Variants in KMT2A observed in about 807,000 individuals in gnomAD.
KMT2A encodes the protein histone-lysine N-methyltransferase 2A.
In KMT2A, 16 loss-of-function variants were observed where a neutral mutation model predicts 345.3. That is an observed-to-expected ratio of 0.05 (90% CI 0.03 to 0.07). The LOEUF (loss-of-function observed/expected upper bound fraction) is 0.07. KMT2A is among the 10% of genes least tolerant of loss of function. KMT2A has a pLI of 1.00. For missense variants in KMT2A, 3,272 were observed against 4,841.6 expected, an observed-to-expected ratio of 0.68 and a Z score of 9.62; for synonymous variants, 1,599 against 1,778.6, an observed-to-expected ratio of 0.90 and a Z score of 2.54.
intron 1 of KMT2A, among the ~76,000 whole-genome samples, chr11:118,466,909 G>A (rs1189113290): frequency 6.6e-6 from 1 of 152,052 alleles, no homozygotes; most frequent in Non-Finnish European, 1.5e-5. Context: ...AAGTACTCCA[G>A]TAAGCCAGGC....
At chr11:118,468,663 A>G in intron 1 of KMT2A, 112 bp from the exon 2 acceptor site, 1 of 756,028 alleles carries the variant, frequency 1.3e-6, no homozygotes, top group Non-Finnish European at 2.4e-6. Flanking sequence ...GATAATTAAT[A>G]TATAAAGGCA....
Position 118,520,081 on chromosome 11 carries a change from G to C in KMT2A, c.11429+17G>C, listed in dbSNP as rs781939042. On this transcript the variant is annotated intron_variant, in intron 33 of 35. Coordinates refer to ENST00000534358, the MANE Select transcript of KMT2A (RefSeq NM_001197104.2). The surrounding 1 kb of genome is among the most constrained non-coding windows in gnomAD (Gnocchi z 4.3). ...GTCAGCTCGGTAAGTCTTGAGTGGG[G>C]AGCAGTCATTAGAAACTGCTTTCCC... 5.2e-6 allele frequency: 8 copies of C among 1,553,372 alleles called. No individual in the cohort carries two copies. The highest frequency in any genetic ancestry group is 6.2e-6 in the Non-Finnish European group (7 of 1,126,138).
At chr11:118,509,223 A>C in intron 29 of KMT2A, 23 bp downstream of exon 29, 1 of 1,565,186 alleles carries the variant, frequency 6.4e-7, no homozygotes, top group African/African-American at 1.4e-5. Flanking sequence ...GTAAAAGGTT[A>C]GAATCAGAGA....
chr11:118,497,819 C>T lies in KMT2A; in HGVS notation c.5665-117C>T, dbSNP rs528619665. 23 of 716,302 alleles carry T rather than the reference C, an allele frequency of 3.2e-5. No homozygotes were observed. The South Asian group carries it at 4.3e-4, about 13-fold the overall frequency. 44.4% of individuals were successfully genotyped at this position (716,302 alleles called of 1,614,324 possible). On this transcript the variant is annotated intron_variant, in intron 20 of 35. Coordinates refer to ENST00000534358, the MANE Select transcript of KMT2A (RefSeq NM_001197104.2). The surrounding 1 kb of genome is among the most constrained non-coding windows in gnomAD (Gnocchi z 4.8). ...AATTCTGATTTCTGTGTGCCTCCCT[C>T]CATTAAAGAATTATAGTTGCTTTCT...
At chr11:118,483,232 CAAAAA>C (rs35780241) in intron 8 of KMT2A, among the ~76,000 whole-genome samples, 1 of 115,870 alleles carries the variant, frequency 8.6e-6, no homozygotes. Flanking sequence ...GACTCCATCC[CAAAAA>C]AAAAAAAAAA....
intron 30 of KMT2A, 61 bp from the exon 31 acceptor site, chr11:118,511,890 G>A (rs192329155): frequency 1.0e-5 from 13 of 1,250,322 alleles, no homozygotes; most frequent in Non-Finnish European, 1.5e-5. Context: ...CACATCATTG[G>A]TATTAAGAAG....
chr11:118,497,832 A>T lies in KMT2A; in HGVS notation c.5665-104A>T. On this transcript the variant is annotated intron_variant, in intron 20 of 35. Transcript: ENST00000534358. The surrounding 1 kb of genome is among the most constrained non-coding windows in gnomAD (Gnocchi z 4.8). ...GTGTGCCTCCCTCCATTAAAGAATT[A>T]TAGTTGCTTTCTTGAGGTTATCTTC... is the stretch of plus-strand genomic sequence containing the variant. The T allele has an allele frequency of 1.2e-6, 1 of 828,312 alleles. No individual in the cohort carries two copies. Among genetic ancestry groups the T allele is most frequent in the Non-Finnish European group, 1.9e-6 (1 of 516,678 alleles). The allele number at this position is 828,312 out of a possible 1,614,324, so 51.3% of individuals were successfully genotyped here.
At position 118,503,677 on chromosome 11, in the gene KMT2A, A is replaced by G. The variant is rs1950537594; in HGVS notation, c.7785A>G (p.Pro2595=). ...AAAGTAACAACTATCAGAATCTTCC[A>G]GTACAGGACAGAAACCTAATGCTTC... The part of the protein sequence containing the change: ...DSQSNNYQNL[P]VQDRNLMLPD... Residue 2595 remains proline, a synonymous_variant, in exon 27 of 36, where the codon CCA becomes CCG. Transcript: ENST00000534358. The surrounding 1 kb of genome is among the most constrained non-coding windows in gnomAD (Gnocchi z 5.3). 1.2e-6 allele frequency: 2 copies of G among 1,614,216 alleles called. No homozygotes were observed. The highest frequency in any genetic ancestry group is 1.7e-6 in the Non-Finnish European group (2 of 1,180,030).
Position 118,473,380 on chromosome 11 carries a change from T to A in KMT2A, c.2221T>A (p.Phe741Ile), listed in dbSNP as rs1248979864. The change falls in exon 3 of 36, where the codon TTT becomes ATT. Residue 741 changes from phenylalanine (F) to isoleucine (I), a missense_variant. Physicochemically the swap from Phe to Ile is conservative, Grantham distance 21. Around this residue, in one of 27 missense-constraint regions of KMT2A, gnomAD observed 114 missense variants for 203.2 expected, o/e 0.56. Transcript: ENST00000534358. This position sits in a 1 kb window ranked among gnomAD's most constrained non-coding sequence, Gnocchi z 5.2. ...VSNRKRKRKV[F>I]SPIRSEPRSP... is the part of the protein sequence containing the mutation. ...CAATAGAAAAAGGAAAAGAAAAGTG[T>A]TTAGTCCTATTCGATCTGAACCAAG... is the stretch of plus-strand genomic sequence containing the variant. The A allele has an allele frequency of 6.8e-6, 11 of 1,614,024 alleles. No homozygotes were observed. Among genetic ancestry groups the A allele is most frequent in the Admixed American group, 1.7e-5 (1 of 60,004 alleles).
At chr11:118,442,813 A>T (rs1949341375) in intron 1 of KMT2A, among the ~76,000 whole-genome samples, 1 of 152,206 alleles carries the variant, frequency 6.6e-6, no homozygotes, top group Admixed American at 6.5e-5. Context: ...GTTTGACTTT[A>T]GTTTCCAGGA....
intron 31 of KMT2A, among the ~76,000 whole-genome samples, chr11:118,514,329 TC>T (rs1452137043): frequency 1.3e-5 from 2 of 152,224 alleles, no homozygotes; most frequent in Admixed American, 6.5e-5. Flanking sequence ...GAGGTCCTCT[TC>T]AGCCGGATTC....
At position 118,494,619 on chromosome 11, in the gene KMT2A, G is replaced by C; in HGVS notation, c.5290-75G>C. The C allele has an allele frequency of 7.7e-7, 1 of 1,301,390 alleles. No individual in the cohort carries two copies. The highest frequency in any genetic ancestry group is 1.1e-6 in the Non-Finnish European group (1 of 912,866). The allele number at this position is 1,301,390 out of a possible 1,614,324, so 80.6% of individuals were successfully genotyped here. ...AAATTATCCTCGTATTAACAGAGAA[G>C]CTGGTTTGAAGATTTTTCATGTGGT... On this transcript the variant is annotated intron_variant, in intron 17 of 35. Coordinates refer to ENST00000534358, the MANE Select transcript of KMT2A (RefSeq NM_001197104.2). This position sits in a 1 kb window ranked among gnomAD's most constrained non-coding sequence, Gnocchi z 5.8.
At chr11:118,480,588 A>G (rs1950113511) in intron 6 of KMT2A, among the ~76,000 whole-genome samples, 1 of 152,158 alleles carries the variant, frequency 6.6e-6, no homozygotes, top group Non-Finnish European at 1.5e-5. Context: ...ATGTTGTGTC[A>G]CATTTCTACG....
Position 118,510,648 on chromosome 11 carries a change from A to G in KMT2A, c.11071+530A>G, listed in dbSNP as rs1250613105. ...GTTTTGTCCGTGTTTGTTTACTTTT[A>G]TCACTCACTCAACAGCGAGCTCTCC... On this transcript the variant is annotated intron_variant, in intron 30 of 35. Coordinates refer to ENST00000534358, the MANE Select transcript of KMT2A (RefSeq NM_001197104.2). The surrounding 1 kb of genome is among the most constrained non-coding windows in gnomAD (Gnocchi z 4.1). 6.6e-6 allele frequency among the ~76,000 whole-genome samples: 1 copy of G among 152,128 alleles called. No homozygotes were observed. Among genetic ancestry groups the G allele is most frequent in the African/African-American group, 2.4e-5 (1 of 41,404 alleles).
chr11:118,512,786 A>C (rs566987474), intron 31 of KMT2A, among the ~76,000 whole-genome samples: 3 of 151,068 alleles, frequency 2.0e-5, no homozygotes, highest in Non-Finnish European at 4.4e-5. Flanking sequence ...ACCTTTGCCA[A>C]CACTTACCTG....
At position 118,496,396 on chromosome 11, in the gene KMT2A, T is replaced by C. The variant is rs1239357062; in HGVS notation, c.5664+29T>C. ...AGTACTTTGCAACACAGGGCCCTAG[T>C]TAATACATACTCCAAAAGAACTGTT... On this transcript the variant is annotated intron_variant, in intron 20 of 35. Transcript: ENST00000534358. This position sits in a 1 kb window ranked among gnomAD's most constrained non-coding sequence, Gnocchi z 4.7. 5 of 1,445,902 alleles carry C rather than the reference T, an allele frequency of 3.5e-6. No homozygotes were observed. The highest frequency in any genetic ancestry group is 4.9e-6 in the Non-Finnish European group (5 of 1,027,050). The allele number at this position is 1,445,902 out of a possible 1,614,324, so 89.6% of individuals were successfully genotyped here. A position where few individuals can be genotyped will look rare whatever the true frequency, so the allele number is the denominator to read the frequency against.
At position 118,526,212 on chromosome 11, in the gene KMT2A, G is replaced by T. The variant is rs1489807824; in HGVS notation, c.*4040G>T. 1 of 217,582 alleles carries T rather than the reference G, an allele frequency of 4.6e-6. No homozygotes were observed. The highest frequency in any genetic ancestry group is 9.2e-6 in the Non-Finnish European group (1 of 108,252). 13.5% of individuals were successfully genotyped at this position (217,582 alleles called of 1,614,324 possible). On this transcript the variant is annotated 3_prime_UTR_variant, in exon 36 of 36. Coordinates refer to ENST00000534358, the MANE Select transcript of KMT2A (RefSeq NM_001197104.2). ...CGGATCAGAGAAAAATGCAGACATG[G>T]TGTCACCTGGATTTTTTTCTGCCCA...
Position 118,521,691 on chromosome 11 carries a change from C to T in KMT2A, c.11644-206C>T, listed in dbSNP as rs782301558. The stretch of plus-strand genomic sequence containing the variant: ...TTTAGGTTTCTCTCTCCTGCAGAGA[C>T]ATTAGAAACCTCTAGACTAGTGGCC... On this transcript the variant is annotated intron_variant, in intron 35 of 35. Coordinates refer to ENST00000534358, the MANE Select transcript of KMT2A (RefSeq NM_001197104.2). The surrounding 1 kb of genome is among the most constrained non-coding windows in gnomAD (Gnocchi z 5.3). 6.6e-5 allele frequency among the ~76,000 whole-genome samples: 10 copies of T among 152,158 alleles called. No individual in the cohort carries two copies. Among genetic ancestry groups the T allele is most frequent in the African/African-American group, 9.7e-5 (4 of 41,430 alleles).
intron 6 of KMT2A, among the ~76,000 whole-genome samples, chr11:118,480,810 G>A (rs782536573): frequency 3.3e-5 from 5 of 151,890 alleles, no homozygotes; most frequent in Non-Finnish European, 5.9e-5. Context: ...CTACAGGTGC[G>A]CACCACCACG....
Sources: allele counts gnomAD v4.1 joint callset (sites outside exome capture counted in the v4.1 genomes callset), GRCh38; gene constraint gnomAD v4.1.1; regional missense constraint gnomAD v4.1.1; non-coding constraint Gnocchi (gnomAD v3.1); transcripts MANE v1.5; gene names NCBI Gene and HGNC (gene_info 2026-07-23, HGNC 2026-07-21).